Variants in IQGAP2 observed in about 807,000 individuals in gnomAD.
IQGAP2 encodes the protein IQ motif containing GTPase activating protein 2, also known as ras GTPase-activating-like protein IQGAP2.
A neutral mutation model predicts 201.3 loss-of-function variants in IQGAP2; 173 were observed. The ratio of observed to expected loss-of-function variants is 0.86; its 90% confidence interval spans 0.76 to 0.98. IQGAP2 has a LOEUF of 0.98. Ranked by LOEUF, IQGAP2 falls within the 50% of genes least tolerant of loss-of-function variation. IQGAP2 has a pLI of 0.00. For synonymous variants in IQGAP2, 675 were observed against 673.9 expected, an observed-to-expected ratio of 1.00 and a Z score of -0.03; for missense variants, 1,687 against 1,864.8, an observed-to-expected ratio of 0.90 and a Z score of 1.76.
intron 2 of IQGAP2, among the ~76,000 whole-genome samples, chr5:76,491,953 C>T (rs1756575414): frequency 1.3e-5 from 2 of 152,122 alleles, no homozygotes; most frequent in South Asian, 4.2e-4. Flanking sequence ...GATTTGTCTC[C>T]TCTCGATTCT....
chr5:76,497,470 CA>C (rs1757054724), intron 2 of IQGAP2, among the ~76,000 whole-genome samples: 1 of 152,184 alleles, frequency 6.6e-6, no homozygotes, highest in Non-Finnish European at 1.5e-5. Flanking sequence ...AATAAGTACT[CA>C]TTTCAGTGAA....
chr5:76,559,095 G>T (rs1320073956), intron 2 of IQGAP2, among the ~76,000 whole-genome samples: 3 of 152,068 alleles, frequency 2.0e-5, no homozygotes, highest in African/African-American at 7.2e-5. Flanking sequence ...TAGAGACGGG[G>T]TTTCACCGTG....
At chr5:76,506,906 TAGGA>T (rs1757633390) in intron 2 of IQGAP2, among the ~76,000 whole-genome samples, 1 of 152,178 alleles carries the variant, frequency 6.6e-6, no homozygotes. Flanking sequence ...TGTTCACAGA[TAGGA>T]ACCCTCCATG....
chr5:76,609,346 C>T, intron 12 of IQGAP2: 4 of 923,980 alleles, frequency 4.3e-6, no homozygotes, highest in Non-Finnish European at 6.5e-6. Flanking sequence ...ATAGATAATA[C>T]TTAGACTTTC....
In IQGAP2 at chr5:76,495,352, T is replaced by C. The variant is rs1277182334; in HGVS notation, c.146+33683T>C. Among the ~76,000 whole-genome samples the C allele has an allele frequency of 2.0e-5, 3 of 152,328 alleles. No homozygotes were observed. The South Asian group carries it at 6.2e-4, about 32-fold the overall frequency. On this transcript the variant is annotated intron_variant, in intron 2 of 35. Coordinates refer to ENST00000274364, the MANE Select transcript of IQGAP2 (RefSeq NM_006633.5). ...GGGCATGAGCCTGTTAGGTAGGACA[T>C]GGACTTATCATGATCAATTTGGTCT...
intron 2 of IQGAP2, among the ~76,000 whole-genome samples, chr5:76,482,077 A>G (rs993030971): frequency 4.6e-5 from 7 of 152,182 alleles, no homozygotes; most frequent in Non-Finnish European, 8.8e-5. Flanking sequence ...AACAGGAAAA[A>G]TTTACAACAG....
At chr5:76,632,048 G>A (rs1368983518) in intron 15 of IQGAP2, 22 bp downstream of exon 15, 3 of 1,559,194 alleles carry the variant, frequency 1.9e-6, no homozygotes, top group African/African-American at 2.8e-5. Context: ...TGTTACTTTA[G>A]CACAAACTAA....
At chr5:76,525,902 C>T (rs1007098322) in intron 2 of IQGAP2, among the ~76,000 whole-genome samples, 1 of 152,088 alleles carries the variant, frequency 6.6e-6, no homozygotes, top group Non-Finnish European at 1.5e-5. Flanking sequence ...TATAAAAATA[C>T]AGGTATTTCT....
At position 76,704,924 on chromosome 5, in the gene IQGAP2, C is replaced by T. The variant is rs548907996; in HGVS notation, c.4615-2276C>T. Among the ~76,000 whole-genome samples, 6 of 152,172 alleles carry T rather than the reference C, an allele frequency of 3.9e-5. No individual in the cohort carries two copies. The East Asian group carries it at 9.6e-4, about 24-fold the overall frequency. ...GAAAGCCCCTTCTAACATTACAGCT[C>T]TATGTCTCTTGGTTATCTTCAGCCC... On this transcript the variant is annotated intron_variant, in intron 35 of 35. Transcript: ENST00000274364.
intron 13 of IQGAP2, among the ~76,000 whole-genome samples, chr5:76,619,272 A>G (rs777702824): frequency 1.3e-5 from 2 of 152,220 alleles, no homozygotes; most frequent in Non-Finnish European, 2.9e-5. Flanking sequence ...CAGCTGAGAA[A>G]GGAAATTGAA....
chr5:76,561,296 A>AT (rs1744347608), intron 2 of IQGAP2, among the ~76,000 whole-genome samples: 1 of 152,192 alleles, frequency 6.6e-6, no homozygotes, highest in South Asian at 2.1e-4. Context: ...ATAACCACTT[A>AT]TTAGGGGCTT....
At chr5:76,557,573 A>G (rs532518394) in intron 2 of IQGAP2, among the ~76,000 whole-genome samples, 1 of 152,354 alleles carries the variant, frequency 6.6e-6, no homozygotes, top group South Asian at 2.1e-4. Flanking sequence ...ATATTTTATG[A>G]TGTAACTGTG....
chr5:76,606,356 G>C (rs959687419), intron 12 of IQGAP2, 53 bp downstream of exon 12: 2 of 1,475,756 alleles, frequency 1.4e-6, no homozygotes, highest in Non-Finnish European at 1.8e-6. Context: ...AAGGTATCTG[G>C]ACAACTTAGT....
intron 1 of IQGAP2, among the ~76,000 whole-genome samples, chr5:76,449,527 C>T (rs1035676729): frequency 2.6e-5 from 4 of 152,206 alleles, no homozygotes; most frequent in African/African-American, 9.7e-5. Context: ...TAGTTAGAGA[C>T]TTTGCCATGT....
chr5:76,475,615 C>T (rs1281531795), intron 2 of IQGAP2, among the ~76,000 whole-genome samples: 1 of 152,198 alleles, frequency 6.6e-6, no homozygotes, highest in Non-Finnish European at 1.5e-5. Flanking sequence ...GAACCTTTCA[C>T]AGGATGACAT....
chr5:76,593,305 C>G (rs3797380), intron 9 of IQGAP2, among the ~76,000 whole-genome samples: 9,000 of 152,146 alleles, frequency 0.059, 378 homozygotes, highest in East Asian at 0.26. Context: ...GTAAAAGGTA[C>G]TATTGACACC....
At chr5:76,430,717 C>T (rs1193574333) in intron 1 of IQGAP2, among the ~76,000 whole-genome samples, 2 of 152,156 alleles carry the variant, frequency 1.3e-5, no homozygotes, top group African/African-American at 4.8e-5. Flanking sequence ...CCATTTCATG[C>T]TACACCATGG....
chr5:76,448,311 C>T (rs1181746433), intron 1 of IQGAP2, among the ~76,000 whole-genome samples: 1 of 152,190 alleles, frequency 6.6e-6, no homozygotes, highest in African/African-American at 2.4e-5. Context: ...GATGAAGCCT[C>T]ACCTGCTGCT....
At chr5:76,644,317 T>TTTTTTTTTTTTTA (rs1751855095) in intron 17 of IQGAP2, among the ~76,000 whole-genome samples, 1 of 129,258 alleles carries the variant, frequency 7.7e-6, no homozygotes, top group Non-Finnish European at 1.6e-5. Context: ...TTTTTTTTTT[T>TTTTTTTTTTTTTA]GAGACAGAGT....
Sources: gnomAD v4.1 joint callset for allele counts (sites outside exome capture counted in the v4.1 genomes callset) on GRCh38, gnomAD v4.1.1 for gene constraint, MANE v1.5 for transcripts, NCBI Gene and HGNC (gene_info 2026-07-23, HGNC 2026-07-21) for gene names.